The following GNAQ variants were observed in gnomAD, a reference collection of about 807,000 sequenced individuals.
The protein encoded by GNAQ is guanine nucleotide-binding protein G(q) subunit alpha.
GNAQ carries 8 observed loss-of-function variants against 43.9 expected under a neutral mutation model. The ratio of observed to expected loss-of-function variants is 0.18; its 90% CI spans 0.11 to 0.33. The LOEUF (loss-of-function observed/expected upper bound fraction) is 0.33, where lower values mean the gene tolerates loss of function less well. Among genes scored for constraint, GNAQ ranks in the 10% least tolerant of loss-of-function variants. The probability of loss-of-function intolerance (pLI) is 1.00; values close to 1 mark genes in which losing one functional copy is unlikely to be tolerated. For synonymous variants in GNAQ, 155 were observed against 170.7 expected, an observed-to-expected ratio of 0.91 and a Z score of 0.71; for missense variants, 158 against 450.8, an observed-to-expected ratio of 0.35 and a Z score of 5.88.
At chr9:77,729,385 C>A (rs1234630872) in intron 5 of GNAQ, among the ~76,000 whole-genome samples, 1 of 152,186 alleles carries the variant, frequency 6.6e-6, no homozygotes, top group Non-Finnish European at 1.5e-5. Flanking sequence ...CCTGAAGCTA[C>A]ACTTTCAAGC....
chr9:77,752,532 T>A (rs1408195191), intron 5 of GNAQ, among the ~76,000 whole-genome samples: 1 of 152,222 alleles, frequency 6.6e-6, no homozygotes, highest in Non-Finnish European at 1.5e-5. Flanking sequence ...CTGATCTAAC[T>A]GCAACCTGCA....
In GNAQ at chr9:77,716,668, TTCTG is replaced by T. The variant is rs1433038311; in HGVS notation, c.*4651_*4654del. The T allele has an allele frequency of 8.6e-6, 2 of 233,000 alleles. No homozygotes were observed. The highest frequency in any genetic ancestry group is 1.7e-5 in the Non-Finnish European group (2 of 117,900). The allele number at this position is 233,000 out of a possible 1,614,324, so 14.4% of individuals were successfully genotyped here. ...CTACCAACGAATACCTTTCTGTTTT[TTCTG>T]TCTACCAAAAGCTTATATAAAAGTC... On this transcript the variant is annotated 3_prime_UTR_variant, in exon 7 of 7. Coordinates refer to ENST00000286548, the MANE Select transcript of GNAQ (RefSeq NM_002072.5).
In GNAQ at chr9:77,763,125, T is replaced by C. The variant is rs370982423; in HGVS notation, c.735+31338A>G. On this transcript the variant is annotated intron_variant, in intron 5 of 6. Transcript: ENST00000286548. ...ATAAAATTAAAAAAAAACAAAAAAA[T>C]AAACAAACAAACAAACAAAAAAAAA... Among the ~76,000 whole-genome samples the C allele has an allele frequency of 2.2e-4, 30 of 133,954 alleles. 1 individual carries two copies. The highest frequency in any genetic ancestry group is 6.5e-4 in the African/African-American group (22 of 33,970). The allele number at this position is 133,954 out of a possible 152,430, so 87.9% of individuals were successfully genotyped here.
intron 1 of GNAQ, among the ~76,000 whole-genome samples, chr9:77,943,842 T>C (rs1829349506): frequency 6.6e-6 from 1 of 151,950 alleles, no homozygotes; most frequent in Non-Finnish European, 1.5e-5. Flanking sequence ...AATTGTTGTA[T>C]TTTTAGTAGA....
chr9:77,831,013 T>C (rs186041623), intron 2 of GNAQ, among the ~76,000 whole-genome samples: 1 of 152,352 alleles, frequency 6.6e-6, no homozygotes, highest in East Asian at 1.9e-4. Flanking sequence ...GGACACTTAC[T>C]AGCAAAATTT....
chr9:77,956,540 G>A (rs1823043097), intron 1 of GNAQ, among the ~76,000 whole-genome samples: 1 of 152,062 alleles, frequency 6.6e-6, no homozygotes, highest in Admixed American at 6.6e-5. Context: ...ATGAATCCTG[G>A]GGCACTGCAA....
intron 2 of GNAQ, among the ~76,000 whole-genome samples, chr9:77,842,919 C>T (rs1827514550): frequency 1.3e-5 from 2 of 152,204 alleles, no homozygotes; most frequent in South Asian, 4.1e-4. Flanking sequence ...CAATCCCAGT[C>T]TTTCCATCCC....
intron 1 of GNAQ, among the ~76,000 whole-genome samples, chr9:78,005,023 A>C (rs1255668826): frequency 6.6e-6 from 1 of 152,124 alleles, no homozygotes; most frequent in Non-Finnish European, 1.5e-5. Flanking sequence ...ATGCAATGTA[A>C]TTAATGGTTT....
chr9:77,750,334 G>A (rs993569308), intron 5 of GNAQ, among the ~76,000 whole-genome samples: 1 of 152,006 alleles, frequency 6.6e-6, no homozygotes, highest in African/African-American at 2.4e-5. Context: ...AGCAAACAAA[G>A]CATTCTGCCT....
chr9:77,894,390 A>ATATATATTATATAT (rs1564143611), intron 2 of GNAQ, among the ~76,000 whole-genome samples: 4 of 418 alleles, frequency 9.6e-3, no homozygotes, highest in African/African-American at 0.022. Context: ...TAATAGAAAA[A>ATATATATTATATAT]AAATATATAT....
At chr9:77,760,548 G>C (rs968802350) in intron 5 of GNAQ, among the ~76,000 whole-genome samples, 20 of 152,240 alleles carry the variant, frequency 1.3e-4, no homozygotes, top group Admixed American at 4.6e-4. Flanking sequence ...GCGTGATCTC[G>C]GCTCGCTACA....
chr9:77,791,874 C>A (rs1826580016), intron 5 of GNAQ, among the ~76,000 whole-genome samples: 2 of 152,110 alleles, frequency 1.3e-5, no homozygotes, highest in South Asian at 4.1e-4. Context: ...CATCAGACTT[C>A]TAAACCAAGA....
chr9:77,777,839 G>C (rs1826327733), intron 5 of GNAQ, among the ~76,000 whole-genome samples: 1 of 152,084 alleles, frequency 6.6e-6, no homozygotes, highest in Admixed American at 6.5e-5. Flanking sequence ...AGCATAAGGA[G>C]AAACTGGAAC....
intron 1 of GNAQ, among the ~76,000 whole-genome samples, chr9:77,979,968 A>C (rs755667156): frequency 6.6e-6 from 1 of 152,250 alleles, no homozygotes; most frequent in Non-Finnish European, 1.5e-5. Flanking sequence ...AACATCTAGA[A>C]GAGAGAAAGC....
At chr9:77,787,593 C>G (rs1826501931) in intron 5 of GNAQ, among the ~76,000 whole-genome samples, 1 of 152,010 alleles carries the variant, frequency 6.6e-6, no homozygotes, top group South Asian at 2.1e-4. Context: ...ATGCAGGAAG[C>G]CTATGAAAAG....
intron 2 of GNAQ, among the ~76,000 whole-genome samples, chr9:77,862,096 C>G (rs1485307125): frequency 4.0e-5 from 6 of 151,836 alleles, no homozygotes; most frequent in African/African-American, 1.5e-4. Context: ...CAGGGTATAC[C>G]CCTCTCCTGG....
At chr9:78,014,971 T>C (rs535831140) in intron 1 of GNAQ, among the ~76,000 whole-genome samples, 22 of 152,274 alleles carry the variant, frequency 1.4e-4, no homozygotes, top group Middle Eastern at 3.4e-3. Context: ...TTTGTGGTAA[T>C]ACTTGTGTAA....
At chr9:77,758,445 T>C (rs193159960) in intron 5 of GNAQ, among the ~76,000 whole-genome samples, 145 of 152,350 alleles carry the variant, frequency 9.5e-4, no homozygotes, top group Admixed American at 1.9e-3. Flanking sequence ...ACAAATGATA[T>C]AGATGACATA....
At chr9:77,959,339 A>T (rs994680488) in intron 1 of GNAQ, among the ~76,000 whole-genome samples, 17 of 152,198 alleles carry the variant, frequency 1.1e-4, no homozygotes, top group Non-Finnish European at 2.9e-5. Context: ...GTTTGCAATC[A>T]TCTGTTTTCA....
Sources: gnomAD v4.1 joint callset for allele counts (sites outside exome capture counted in the v4.1 genomes callset) on GRCh38, gnomAD v4.1.1 for gene constraint, MANE v1.5 for transcripts, NCBI Gene and HGNC (gene_info 2026-07-23, HGNC 2026-07-21) for gene names.